NCKAP1: variants seen among roughly 807,000 people sequenced by gnomAD.
NCKAP1 encodes the protein NCK associated protein 1, also known as nck-associated protein 1.
A neutral mutation model predicts 151.2 loss-of-function variants in NCKAP1; 21 were observed. That is an observed-to-expected ratio of 0.14 (90% CI 0.10 to 0.20). The LOEUF (loss-of-function observed/expected upper bound fraction) is 0.20. Among genes scored for constraint, NCKAP1 ranks in the 10% least tolerant of loss-of-function variants. The pLI is 1.00. For missense variants in NCKAP1, 933 were observed against 1,352.1 expected (o/e 0.69, Z 4.86); for synonymous variants, 484 against 451.8 (o/e 1.07, Z -0.90).
In NCKAP1 at chr2:183,036,665, T is replaced by A. The variant is rs2246295; in HGVS notation, c.108+1327A>T. Among the ~76,000 whole-genome samples, 761 of 152,256 alleles carry A rather than the reference T, an allele frequency of 5.0e-3. 6 individuals carry two copies. The highest frequency in any genetic ancestry group is 0.018 in the African/African-American group (739 of 41,536). Reference sequence around the variant, plus strand: ...TCTCCAGATAGCACTGGGTTTAGAGTAATAAAGCCTTGCAATTAGGTGAGC... The same window carrying A: ...TCTCCAGATAGCACTGGGTTTAGAGAAATAAAGCCTTGCAATTAGGTGAGC... On this transcript the variant is annotated intron_variant, in intron 1 of 30. Coordinates refer to ENST00000361354, the MANE Select transcript of NCKAP1 (RefSeq NM_013436.5).
At chr2:182,986,886 A>G (rs1156644235) in intron 9 of NCKAP1, among the ~76,000 whole-genome samples, 1 of 152,200 alleles carries the variant, frequency 6.6e-6, no homozygotes, top group Non-Finnish European at 1.5e-5. Flanking sequence ...TAATAGATAT[A>G]AAAACTCAAA....
At chr2:183,025,800 A>G (rs1698883651) in intron 1 of NCKAP1, among the ~76,000 whole-genome samples, 1 of 152,226 alleles carries the variant, frequency 6.6e-6, no homozygotes, top group Admixed American at 6.5e-5. Context: ...ATTGCCTTAC[A>G]TAATCACATA....
chr2:183,031,130 G>A (rs1698996690), intron 1 of NCKAP1, among the ~76,000 whole-genome samples: 1 of 152,054 alleles, frequency 6.6e-6, no homozygotes, highest in South Asian at 2.1e-4. Context: ...TAAAAATATA[G>A]AAATCACAGT....
intron 26 of NCKAP1, 92 bp downstream of exon 26, chr2:182,934,660 A>G (rs1380286583): frequency 2.8e-6 from 2 of 706,132 alleles, no homozygotes; most frequent in African/African-American, 1.8e-5. Context: ...GAAACCTTAC[A>G]GTAGTTTAGG....
chr2:182,962,415 T>C (rs962929882), intron 17 of NCKAP1, 137 bp from the exon 18 acceptor site: 16 of 755,700 alleles, frequency 2.1e-5, no homozygotes, highest in African/African-American at 2.1e-4. Context: ...TAAAAATTGC[T>C]TTTGCCTCTT....
rs1220791410 is a variant in NCKAP1, at chr2:183,038,042, G to C, written c.58C>G (p.Leu20Val). 3.1e-6 allele frequency: 5 copies of C among 1,587,930 alleles called. No homozygotes were observed. Among genetic ancestry groups the C allele is most frequent in the Non-Finnish European group, 2.6e-6 (3 of 1,173,994 alleles). ...AGCATGCCGACGCCCCGGTCGTTGA[G>C]GATGGTGAGCTTCTCCGCCAGCTTC... ...QQKLAEKLTI[L>V]NDRGVGMLTR... Residue 20 changes from leucine to valine, a missense_variant, in exon 1 of 31, where the codon CTC (leucine) becomes GTC (valine). Transcript: ENST00000361354.
At chr2:182,932,170 G>A (rs899558003) in intron 26 of NCKAP1, among the ~76,000 whole-genome samples, 4 of 151,974 alleles carry the variant, frequency 2.6e-5, no homozygotes, top group African/African-American at 9.7e-5. Context: ...ACTTGTACAC[G>A]GATGTTCACA....
intron 2 of NCKAP1, among the ~76,000 whole-genome samples, chr2:183,010,395 A>G (rs1254145424): frequency 1.3e-5 from 2 of 152,182 alleles, no homozygotes; most frequent in African/African-American, 4.8e-5. Flanking sequence ...AGCTGGGCCC[A>G]TCCCCCAGAA....
chr2:182,935,311 T>C lies in NCKAP1; in HGVS notation c.2760A>G (p.Ala920=). 1.9e-6 allele frequency: 3 copies of C among 1,591,038 alleles called. No individual in the cohort carries two copies. Among genetic ancestry groups the C allele is most frequent in the Non-Finnish European group, 2.6e-6 (3 of 1,171,274 alleles). Reference sequence around the variant, plus strand: ...TTCTTACATCTCTAAGTGCTTCTTGTGCCAATGATCGGAAGGATAAAATTA... The same window carrying C: ...TTCTTACATCTCTAAGTGCTTCTTGCGCCAATGATCGGAAGGATAAAATTA... ...IGVILSFRSL[A]QEALRDVLSY... The change falls in exon 25 of 31, where the codon GCA becomes GCG. Residue 920 remains alanine, a synonymous_variant. Transcript: ENST00000361354.
At chr2:183,027,195 T>G (rs534904599) in intron 1 of NCKAP1, among the ~76,000 whole-genome samples, 5 of 152,314 alleles carry the variant, frequency 3.3e-5, no homozygotes, top group Admixed American at 3.3e-4. Context: ...GAGCAAGTCA[T>G]TCTATCTGTG....
At chr2:182,972,485 G>A (rs1293158098) in intron 15 of NCKAP1, among the ~76,000 whole-genome samples, 1 of 152,164 alleles carries the variant, frequency 6.6e-6, no homozygotes, top group Non-Finnish European at 1.5e-5. Flanking sequence ...ATGTGAATTA[G>A]TAGAGCCGCT....
chr2:183,020,451 C>T (rs1355267990), intron 2 of NCKAP1, among the ~76,000 whole-genome samples: 2 of 103,070 alleles, frequency 1.9e-5, no homozygotes, highest in African/African-American at 8.5e-5. Flanking sequence ...GGCAATAAAG[C>T]AGGACCGTGT....
intron 1 of NCKAP1, among the ~76,000 whole-genome samples, chr2:183,034,256 T>C (rs1699059613): frequency 6.6e-6 from 1 of 152,124 alleles, no homozygotes; most frequent in African/African-American, 2.4e-5. Flanking sequence ...AAAATAAATT[T>C]ATCCAAAATA....
At chr2:182,968,713 C>T (rs1200388517) in intron 15 of NCKAP1, among the ~76,000 whole-genome samples, 1 of 152,196 alleles carries the variant, frequency 6.6e-6, no homozygotes, top group Non-Finnish European at 1.5e-5. Flanking sequence ...TATGCTGATG[C>T]CTATGCTGCT....
In NCKAP1 at chr2:182,995,782, T is replaced by C. The variant is rs1698256896; in HGVS notation, c.660A>G (p.Ser220=). 7 of 1,613,124 alleles carry C rather than the reference T, an allele frequency of 4.3e-6. No individual in the cohort carries two copies. The highest frequency in any genetic ancestry group is 5.1e-6 in the Non-Finnish European group (6 of 1,179,082). The stretch of plus-strand genomic sequence containing the variant: ...ACTGGGCATTTCTCCACTGGTCAGC[T>C]GAAAGATTCCTTCGAGGATATACCA... ...LQMVYPRRNL[S]ADQWRNAQLL... Residue 220 remains serine, a synonymous_variant, in exon 7 of 31, where the codon TCA becomes TCG. Coordinates refer to ENST00000361354, the MANE Select transcript of NCKAP1 (RefSeq NM_013436.5).
At chr2:182,970,052 T>C (rs1452101482) in intron 15 of NCKAP1, among the ~76,000 whole-genome samples, 1 of 151,876 alleles carries the variant, frequency 6.6e-6, no homozygotes, top group African/African-American at 2.4e-5. Context: ...GACACATACA[T>C]CCTACCAAGA....
chr2:182,975,021 A>G (rs1022275313), intron 15 of NCKAP1, among the ~76,000 whole-genome samples: 12 of 152,232 alleles, frequency 7.9e-5, no homozygotes, highest in Non-Finnish European at 1.8e-4. Flanking sequence ...CTAAATCTCT[A>G]AAATTCTCTG....
rs745945234 is a variant in NCKAP1 at position 182,964,775 on chromosome 2, T to C, written c.1662A>G (p.Gln554=). The change falls in exon 17 of 31, where the codon CAA becomes CAG. Residue 554 remains glutamine, a synonymous_variant. Coordinates refer to ENST00000361354, the MANE Select transcript of NCKAP1 (RefSeq NM_013436.5). The stretch of plus-strand genomic sequence containing the variant: ...ATTGAGAGGGTAACTCCAAACACTG[T>C]TGAAACATCTTCTCAAAAGCACGAC... The part of the protein sequence containing the change: ...FYSRAFEKMF[Q]QCLELPSQSR... 1.3e-5 allele frequency: 21 copies of C among 1,607,692 alleles called. No homozygotes were observed. The highest frequency in any genetic ancestry group is 4.5e-5 in the East Asian group (2 of 44,586).
chr2:182,926,739 G>T, intron 30 of NCKAP1, 77 bp downstream of exon 30: 1 of 999,698 alleles, frequency 1.0e-6, no homozygotes, highest in Non-Finnish European at 1.5e-6. Context: ...AGTATTCAAT[G>T]ACTAAGATGC....
Sources: allele counts gnomAD v4.1 joint callset (sites outside exome capture counted in the v4.1 genomes callset), GRCh38; gene constraint gnomAD v4.1.1; transcripts MANE v1.5; gene names NCBI Gene and HGNC (gene_info 2026-07-23, HGNC 2026-07-21).